VPS13B: variants seen among roughly 807,000 people sequenced by gnomAD.
VPS13B encodes the protein intermembrane lipid transfer protein VPS13B.
Under a neutral mutation model 426.4 loss-of-function variants are expected in VPS13B, and 285 were observed. That is an observed-to-expected ratio of 0.67 (90% CI 0.61 to 0.74). The LOEUF (loss-of-function observed/expected upper bound fraction) is 0.74. Ranked by LOEUF, VPS13B falls within the 30% of genes least tolerant of loss-of-function variation. The probability of loss-of-function intolerance (pLI) is 0.00; values close to 1 mark genes in which losing one functional copy is unlikely to be tolerated. For synonymous variants in VPS13B, 1,676 were observed against 1,676.4 expected, an observed-to-expected ratio of 1.00 and a Z score of 0.01; for missense variants, 4,537 against 4,782.6, an observed-to-expected ratio of 0.95 and a Z score of 1.51.
chr8:99,282,626 G>T (rs1228833018), intron 19 of VPS13B, among the ~76,000 whole-genome samples: 2 of 152,090 alleles, frequency 1.3e-5, no homozygotes, highest in Non-Finnish European at 2.9e-5. Flanking sequence ...GTAGTCACTT[G>T]TGCAATTCAG....
At chr8:99,550,525 C>T (rs971231590) in intron 30 of VPS13B, among the ~76,000 whole-genome samples, 5 of 151,336 alleles carry the variant, frequency 3.3e-5, no homozygotes, top group African/African-American at 1.2e-4. Context: ...TATATTTTGC[C>T]TTCTATCTTT....
intron 16 of VPS13B, among the ~76,000 whole-genome samples, chr8:99,172,168 T>G (rs75095614): frequency 0.019 from 2,917 of 152,308 alleles, 62 homozygotes; most frequent in Non-Finnish European, 0.028. Context: ...TGTTCATGTT[T>G]GTTAAAGCCT....
At chr8:99,132,583 A>G (rs1418529060) in intron 8 of VPS13B, among the ~76,000 whole-genome samples, 1 of 151,812 alleles carries the variant, frequency 6.6e-6, no homozygotes, top group Non-Finnish European at 1.5e-5. Flanking sequence ...TTTTTGATTT[A>G]CTTTGCCTAG....
At chr8:99,565,779 C>T (rs956359143) in intron 31 of VPS13B, among the ~76,000 whole-genome samples, 11 of 152,050 alleles carry the variant, frequency 7.2e-5, no homozygotes, top group Non-Finnish European at 1.3e-4. Flanking sequence ...TGAAAAACAT[C>T]ACTTTTATCT....
chr8:99,482,955 G>A (rs866737993), intron 25 of VPS13B, among the ~76,000 whole-genome samples: 3 of 151,974 alleles, frequency 2.0e-5, no homozygotes, highest in Admixed American at 6.6e-5. Context: ...TTTCCCCAAC[G>A]AGAGCAACTG....
At chr8:99,349,903 A>T (rs1375561598) in intron 19 of VPS13B, among the ~76,000 whole-genome samples, 1 of 152,122 alleles carries the variant, frequency 6.6e-6, no homozygotes, top group African/African-American at 2.4e-5. Flanking sequence ...GGATGGCAAA[A>T]ATATATAGAA....
intron 33 of VPS13B, among the ~76,000 whole-genome samples, chr8:99,630,743 A>G (rs1175607736): frequency 1.3e-5 from 2 of 152,122 alleles, no homozygotes; most frequent in East Asian, 3.9e-4. Context: ...GCAACTGTTT[A>G]TAAGTAAATA....
intron 30 of VPS13B, among the ~76,000 whole-genome samples, chr8:99,544,757 C>T (rs1823869597): frequency 6.6e-6 from 1 of 152,136 alleles, no homozygotes; most frequent in Non-Finnish European, 1.5e-5. Flanking sequence ...AGGTTTATAT[C>T]AACTTAAAAT....
chr8:99,120,577 C>A (rs1847887342), intron 7 of VPS13B: 1 of 152,240 alleles, frequency 6.6e-6, no homozygotes, highest in Non-Finnish European at 1.5e-5. Context: ...TATAACATAT[C>A]TTACTTGCTA....
At chr8:99,172,510 T>C (rs1370172729) in intron 16 of VPS13B, among the ~76,000 whole-genome samples, 1 of 152,162 alleles carries the variant, frequency 6.6e-6, no homozygotes, top group Non-Finnish European at 1.5e-5. Flanking sequence ...AGTCACACAC[T>C]GGCCTCACAA....
At chr8:99,154,070 C>G (rs1259702036) in intron 14 of VPS13B, among the ~76,000 whole-genome samples, 1 of 151,448 alleles carries the variant, frequency 6.6e-6, no homozygotes, top group Non-Finnish European at 1.5e-5. Context: ...CTATAAGTAA[C>G]ATGTATTTTT....
At chr8:99,256,360 C>G (rs879484656) in intron 17 of VPS13B, among the ~76,000 whole-genome samples, 4 of 152,144 alleles carry the variant, frequency 2.6e-5, no homozygotes, top group Non-Finnish European at 5.9e-5. Flanking sequence ...ACTATGAACA[C>G]AGGTATACAA....
At chr8:99,596,793 G>T in intron 33 of VPS13B, among the ~76,000 whole-genome samples, 1 of 151,972 alleles carries the variant, frequency 6.6e-6, no homozygotes, top group East Asian at 1.9e-4. Context: ...TAGAAATATA[G>T]TATTTTACAT....
At chr8:99,029,252 G>A (rs1329353137) in intron 2 of VPS13B, among the ~76,000 whole-genome samples, 2 of 149,484 alleles carry the variant, frequency 1.3e-5, no homozygotes, top group Non-Finnish European at 3.0e-5. Flanking sequence ...TCGCTTCCTA[G>A]ATGGGATGGC....
In VPS13B at chr8:99,079,187, G is replaced by C. The variant is rs1845303803; in HGVS notation, c.292-17125G>C. 2.6e-5 allele frequency among the ~76,000 whole-genome samples: 4 copies of C among 152,272 alleles called. No homozygotes were observed. The South Asian group carries it at 8.3e-4, about 32-fold the overall frequency. On this transcript the variant is annotated intron_variant, in intron 3 of 61. Transcript: ENST00000357162. Reference sequence around the variant, plus strand: ...CCCCAGGCCCCAGATGGTGTGTTTTGATGGCAGTAGCGGTGGGTTGGGTGT... The same window carrying C: ...CCCCAGGCCCCAGATGGTGTGTTTTCATGGCAGTAGCGGTGGGTTGGGTGT...
intron 6 of VPS13B, among the ~76,000 whole-genome samples, chr8:99,112,214 C>G (rs943887594): frequency 2.6e-5 from 4 of 152,116 alleles, no homozygotes; most frequent in African/African-American, 9.7e-5. Flanking sequence ...GACTTCTGAT[C>G]CCATTAAGTA....
At chr8:99,676,304 G>T (rs1359219705) in intron 35 of VPS13B, among the ~76,000 whole-genome samples, 2 of 152,156 alleles carry the variant, frequency 1.3e-5, no homozygotes, top group African/African-American at 4.8e-5. Context: ...ATTCAGGTTT[G>T]TCTGAAACCA....
chr8:99,858,983 C>T (rs1451145362), intron 56 of VPS13B, among the ~76,000 whole-genome samples: 1 of 152,192 alleles, frequency 6.6e-6, no homozygotes, highest in African/African-American at 2.4e-5. Flanking sequence ...CAAGAAGGCG[C>T]CCTTCCTCAG....
chr8:99,385,287 G>A (rs908623090), intron 20 of VPS13B, among the ~76,000 whole-genome samples: 12 of 152,074 alleles, frequency 7.9e-5, no homozygotes, highest in African/African-American at 2.7e-4. Context: ...GGCCAAATTC[G>A]TGCTTTATTG....
Sources: gnomAD v4.1 joint callset for allele counts (sites outside exome capture counted in the v4.1 genomes callset) on GRCh38, gnomAD v4.1.1 for gene constraint, MANE v1.5 for transcripts, NCBI Gene and HGNC (gene_info 2026-07-23, HGNC 2026-07-21) for gene names.